DPF3: variants seen among roughly 807,000 people sequenced by gnomAD.
DPF3 encodes the protein double PHD fingers 3.
DPF3 carries 18 observed loss-of-function variants against 56.8 expected under a neutral mutation model. The ratio of observed to expected loss-of-function variants is 0.32; its 90% CI spans 0.22 to 0.47. DPF3 has a LOEUF of 0.47. Ranked by LOEUF, DPF3 falls within the 20% of genes least tolerant of loss-of-function variation. DPF3 has a pLI of 1.00. For synonymous variants in DPF3, 188 were observed against 180.2 expected (o/e 1.04, Z -0.35); for missense variants, 403 against 488.8 (o/e 0.82, Z 1.65).
intron 8 of DPF3, among the ~76,000 whole-genome samples, chr14:72,663,235 AC>A (rs1886300840): frequency 6.6e-6 from 1 of 151,182 alleles, no homozygotes; most frequent in South Asian, 2.1e-4. Flanking sequence ...CAGTTAAAAC[AC>A]CCCAGAAAGG....
intron 1 of DPF3, among the ~76,000 whole-genome samples, chr14:72,887,009 G>A (rs898304298): frequency 6.6e-6 from 1 of 152,078 alleles, no homozygotes; most frequent in African/African-American, 2.4e-5. Flanking sequence ...ATCTGTGGCT[G>A]CCCAAATTAA....
chr14:72,760,439 T>C (rs924559957), intron 2 of DPF3, among the ~76,000 whole-genome samples: 1 of 152,168 alleles, frequency 6.6e-6, no homozygotes, highest in Non-Finnish European at 1.5e-5. Context: ...ACCTGGATAA[T>C]CCAAGATTAT....
intron 8 of DPF3, among the ~76,000 whole-genome samples, chr14:72,643,825 C>T (rs1271457203): frequency 1.3e-5 from 2 of 152,242 alleles, no homozygotes; most frequent in South Asian, 2.1e-4. Flanking sequence ...GTGTTCCCCA[C>T]TCACCTTGTC....
intron 1 of DPF3, among the ~76,000 whole-genome samples, chr14:72,840,097 G>C (rs988325408): frequency 6.6e-6 from 1 of 152,186 alleles, no homozygotes; most frequent in African/African-American, 2.4e-5. Flanking sequence ...CAGTACATAC[G>C]CACAGCAGAG....
Position 72,803,553 on chromosome 14 carries a change from C to T in DPF3, c.33-31660G>A, listed in dbSNP as rs534268206. On this transcript the variant is annotated intron_variant, in intron 1 of 10. Coordinates refer to ENST00000556509, the MANE Select transcript of DPF3 (RefSeq NM_001280542.3). ...ACAAGACACAAGCCCAACGTGTCAC[C>T]CAGCCTGGATCCCATAGAGGTCACA... Among the ~76,000 whole-genome samples, 4 of 152,312 alleles carry T rather than the reference C, an allele frequency of 2.6e-5. No individual in the cohort carries two copies. The East Asian group carries it at 7.7e-4, about 29-fold the overall frequency.
chr14:72,631,041 C>T (rs1020927437), intron 8 of DPF3, among the ~76,000 whole-genome samples: 1 of 152,172 alleles, frequency 6.6e-6, no homozygotes, highest in Non-Finnish European at 1.5e-5. Flanking sequence ...ACATCATGAC[C>T]ATTTGGATGA....
intron 1 of DPF3, among the ~76,000 whole-genome samples, chr14:72,786,786 C>G (rs1228198797): frequency 6.6e-6 from 1 of 152,224 alleles, no homozygotes; most frequent in Non-Finnish European, 1.5e-5. Flanking sequence ...AAAACAAGCA[C>G]TAGCTCACCC....
intron 8 of DPF3, among the ~76,000 whole-genome samples, chr14:72,656,009 C>A (rs1441150226): frequency 6.6e-6 from 1 of 152,176 alleles, no homozygotes; most frequent in Non-Finnish European, 1.5e-5. Flanking sequence ...TTGTTTTAGG[C>A]ACCAAGGTGT....
At chr14:72,721,937 G>A (rs1889192002) in intron 5 of DPF3, among the ~76,000 whole-genome samples, 1 of 152,144 alleles carries the variant, frequency 6.6e-6, no homozygotes, top group African/African-American at 2.4e-5. Flanking sequence ...AAAAAAAAAT[G>A]TGTGTGGTGG....
At chr14:72,842,972 G>A (rs1884610035) in intron 1 of DPF3, among the ~76,000 whole-genome samples, 2 of 151,794 alleles carry the variant, frequency 1.3e-5, no homozygotes, top group African/African-American at 4.8e-5. Context: ...GCAGTGAGCC[G>A]AGATCATACC....
chr14:72,728,885 G>A (rs563316210), intron 4 of DPF3, among the ~76,000 whole-genome samples: 1 of 152,248 alleles, frequency 6.6e-6, no homozygotes, highest in African/African-American at 2.4e-5. Flanking sequence ...AAGCAGAGTG[G>A]AATCGGGAGG....
chr14:72,744,729 C>T (rs1046529464), intron 3 of DPF3, among the ~76,000 whole-genome samples: 3 of 152,040 alleles, frequency 2.0e-5, no homozygotes, highest in African/African-American at 7.2e-5. Context: ...TTGCTGAAAC[C>T]TGCCCATCAC....
chr14:72,802,668 A>T (rs1892936778), intron 1 of DPF3, among the ~76,000 whole-genome samples: 1 of 152,178 alleles, frequency 6.6e-6, no homozygotes, highest in Non-Finnish European at 1.5e-5. Flanking sequence ...TTACCAGGAG[A>T]AAAGAATTTG....
intron 6 of DPF3, among the ~76,000 whole-genome samples, chr14:72,704,081 G>A (rs745883647): frequency 6.6e-6 from 1 of 152,150 alleles, no homozygotes; most frequent in Non-Finnish European, 1.5e-5. Context: ...GGCTCAAAGT[G>A]GTTTTGTGAT....
intron 1 of DPF3, chr14:72,836,386 G>T: frequency 1.0e-6 from 1 of 985,452 alleles, no homozygotes; most frequent in Non-Finnish European, 1.2e-6. Flanking sequence ...GTCAGAGCAG[G>T]GGGCAAACCC....
At chr14:72,842,653 A>G (rs1884594440) in intron 1 of DPF3, among the ~76,000 whole-genome samples, 1 of 152,200 alleles carries the variant, frequency 6.6e-6, no homozygotes, top group Non-Finnish European at 1.5e-5. Context: ...TTGGGTGGTG[A>G]ACATATGTGC....
rs573039600 is a variant in DPF3, at chr14:72,686,657, G to A, written c.742+6419C>T. On this transcript the variant is annotated intron_variant, in intron 7 of 10. Transcript: ENST00000556509. ...TTCTTTGCTATATAATCTGAAAACT[G>A]TCTAGTTAAATAATAATTTCTCTAA... Among the ~76,000 whole-genome samples, 10 of 152,344 alleles carry A rather than the reference G, an allele frequency of 6.6e-5. No individual in the cohort carries two copies. The East Asian group carries it at 1.9e-3, about 29-fold the overall frequency.
chr14:72,671,473 G>A, intron 8 of DPF3: 1 of 1,254,052 alleles, frequency 8.0e-7, no homozygotes, highest in South Asian at 1.2e-5. Context: ...GATTAACCCG[G>A]TGCATCACCT....
chr14:72,677,945 C>T (rs1214919606), intron 7 of DPF3, among the ~76,000 whole-genome samples: 2 of 150,204 alleles, frequency 1.3e-5, no homozygotes, highest in African/African-American at 2.5e-5. Context: ...CATGCCTATC[C>T]ACTCAGCTTC....
Sources: allele counts gnomAD v4.1 joint callset (sites outside exome capture counted in the v4.1 genomes callset), GRCh38; gene constraint gnomAD v4.1.1; transcripts MANE v1.5; gene names NCBI Gene and HGNC (gene_info 2026-07-23, HGNC 2026-07-21).